Variants in DIAPH2 observed in about 807,000 individuals in gnomAD.
DIAPH2 encodes the protein diaphanous related formin 2.
A neutral mutation model predicts 92.7 loss-of-function variants in DIAPH2; 35 were observed. That is an observed-to-expected ratio of 0.38 (90% confidence interval 0.29 to 0.50). DIAPH2 has a LOEUF of 0.50. DIAPH2 is among the 20% of genes least tolerant of loss of function. DIAPH2 has a pLI of 0.94. For synonymous variants in DIAPH2, 301 were observed against 280.4 expected (o/e 1.07, Z -0.73); for missense variants, 701 against 819.5 (o/e 0.86, Z 1.77).
At chrX:96,712,539 ATATGCT>A (rs2063924985) in intron 1 of DIAPH2, among the ~76,000 whole-genome samples, 1 of 110,856 alleles carries the variant, frequency 9.0e-6, no homozygotes, top group South Asian at 3.9e-4. Context: ...TTTCTAAATA[ATATGCT>A]TATAATGTTA....
At chrX:97,275,722 C>T (rs758608401) in intron 23 of DIAPH2, among the ~76,000 whole-genome samples, 5 of 109,363 alleles carry the variant, frequency 4.6e-5, no homozygotes, top group South Asian at 4.0e-4. Flanking sequence ...AGACGATGGG[C>T]GGCCGGGCAG....
In DIAPH2 at chrX:96,937,251, A is replaced by T; in HGVS notation, c.1108A>T (p.Asn370Tyr). The T allele has an allele frequency of 8.8e-7, 1 of 1,138,745 alleles. No individual in the cohort carries two copies. The highest frequency in any genetic ancestry group is 1.2e-6 in the Non-Finnish European group (1 of 844,094). 93.8% of individuals were successfully genotyped at this position (1,138,745 alleles called of 1,213,427 possible). A position where few individuals can be genotyped will look rare whatever the true frequency, so the allele number is the denominator to read the frequency against. ...TMLPDLKEKE[N>Y]DELDIQLKVF... Reference sequence around the variant, plus strand: ...ATATTAGGATCTAAAAGAAAAAGAGAATGATGAGCTTGATATTCAGTTGAA... The same window carrying T: ...ATATTAGGATCTAAAAGAAAAAGAGTATGATGAGCTTGATATTCAGTTGAA... The change falls in exon 11 of 27, where the codon AAT (asparagine) becomes TAT (tyrosine). Residue 370 changes from asparagine (N) to tyrosine (Y), a missense_variant. Around this residue, in one of 3 missense-constraint regions of DIAPH2, gnomAD observed 536 missense variants for 599.3 expected, o/e 0.89. Transcript: ENST00000324765.
intron 25 of DIAPH2, among the ~76,000 whole-genome samples, chrX:97,397,452 C>T (rs1032259933): frequency 3.6e-5 from 4 of 111,299 alleles, no homozygotes; most frequent in African/African-American, 1.3e-4. Context: ...GAGAAAGTTG[C>T]GTAGGAATTA....
At chrX:96,808,444 T>A (rs1371684375) in intron 4 of DIAPH2, among the ~76,000 whole-genome samples, 1 of 111,969 alleles carries the variant, frequency 8.9e-6, no homozygotes, top group Non-Finnish European at 1.9e-5. Context: ...CCACCTCATA[T>A]TTTGAATATA....
intron 23 of DIAPH2, among the ~76,000 whole-genome samples, chrX:97,301,150 CAAAAAA>C (rs1220185711): frequency 3.1e-5 from 1 of 32,280 alleles, no homozygotes; most frequent in Non-Finnish European, 5.9e-5. Context: ...GACTCCGTCT[CAAAAAA>C]AAAAAAAAAA....
At chrX:96,924,847 C>T (rs1230623209) in intron 9 of DIAPH2, among the ~76,000 whole-genome samples, 2 of 110,437 alleles carry the variant, frequency 1.8e-5, no homozygotes, top group Non-Finnish European at 3.8e-5. Flanking sequence ...GGGGGAAGAC[C>T]GCCCCCATGA....
intron 26 of DIAPH2, among the ~76,000 whole-genome samples, chrX:97,484,078 A>G (rs965507123): frequency 2.7e-5 from 3 of 111,590 alleles, no homozygotes; most frequent in Non-Finnish European, 5.6e-5. Context: ...ATATATAGTT[A>G]TTATATATCA....
At chrX:97,410,450 G>A (rs1441219365) in intron 25 of DIAPH2, among the ~76,000 whole-genome samples, 2 of 111,966 alleles carry the variant, frequency 1.8e-5, no homozygotes, top group Non-Finnish European at 3.8e-5. Context: ...CACAAAGATG[G>A]GGAGAAACCA....
At chrX:96,883,298 ACTTAT>A (rs1407970001) in intron 5 of DIAPH2, among the ~76,000 whole-genome samples, 2 of 111,610 alleles carry the variant, frequency 1.8e-5, no homozygotes. Flanking sequence ...TTAAGATGTG[ACTTAT>A]CTTAGAGTAT....
intron 1 of DIAPH2, among the ~76,000 whole-genome samples, chrX:96,732,681 C>T: frequency 9.0e-6 from 1 of 111,533 alleles, no homozygotes; most frequent in Non-Finnish European, 1.9e-5. Flanking sequence ...TTGTAGATGC[C>T]TGTCAGGAAA....
intron 26 of DIAPH2, among the ~76,000 whole-genome samples, chrX:97,503,402 G>A: frequency 8.9e-6 from 1 of 111,849 alleles, no homozygotes; most frequent in Non-Finnish European, 1.9e-5. Context: ...AAGTATAGGT[G>A]TGGTATGGTA....
intron 21 of DIAPH2, among the ~76,000 whole-genome samples, chrX:97,120,028 G>C (rs1266373121): frequency 8.9e-6 from 1 of 111,888 alleles, no homozygotes; most frequent in East Asian, 2.8e-4. Flanking sequence ...TCTACACAGC[G>C]GATTCACGCC....
intron 26 of DIAPH2, among the ~76,000 whole-genome samples, chrX:97,555,945 G>A (rs1008445360): frequency 2.7e-5 from 3 of 111,825 alleles, no homozygotes; most frequent in East Asian, 2.8e-4. Context: ...ACCACAGACC[G>A]GGGAACATTC....
chrX:97,015,960 T>G (rs1394602956), intron 17 of DIAPH2, among the ~76,000 whole-genome samples: 1 of 111,380 alleles, frequency 9.0e-6, no homozygotes, highest in African/African-American at 3.3e-5. Flanking sequence ...TTAAATAAGT[T>G]TGTTGCTAGG....
intron 23 of DIAPH2, among the ~76,000 whole-genome samples, chrX:97,254,370 TAATCCCAGCTA>T: frequency 9.2e-6 from 1 of 109,095 alleles, no homozygotes; most frequent in East Asian, 2.9e-4. Flanking sequence ...CAGGCGCCTG[TAATCCCAGCTA>T]CTTGAGAGGC....
chrX:97,235,096 A>T (rs2068037844), intron 22 of DIAPH2, among the ~76,000 whole-genome samples: 1 of 112,427 alleles, frequency 8.9e-6, no homozygotes, highest in African/African-American at 3.2e-5. Context: ...CCACCTGTAT[A>T]GATGAATTAA....
At chrX:96,932,673 A>G (rs1008890020) in intron 10 of DIAPH2, among the ~76,000 whole-genome samples, 4 of 111,448 alleles carry the variant, frequency 3.6e-5, no homozygotes, top group Non-Finnish European at 7.5e-5. Context: ...AGTTGTATAT[A>G]TTTGTGTGGT....
chrX:96,969,202 A>G (rs1355807381), intron 17 of DIAPH2, among the ~76,000 whole-genome samples: 4 of 110,843 alleles, frequency 3.6e-5, no homozygotes. Flanking sequence ...TGCTTTGGCT[A>G]TTTGGGCTCT....
At chrX:97,569,546 A>G (rs1303699407) in intron 26 of DIAPH2, among the ~76,000 whole-genome samples, 2 of 111,435 alleles carry the variant, frequency 1.8e-5, no homozygotes, top group Non-Finnish European at 3.8e-5. Context: ...GTACTTAAGG[A>G]CTTTGTGGAT....
Sources: allele counts gnomAD v4.1 joint callset (sites outside exome capture counted in the v4.1 genomes callset), GRCh38; gene constraint gnomAD v4.1.1; regional missense constraint gnomAD v4.1.1; transcripts MANE v1.5; gene names NCBI Gene and HGNC (gene_info 2026-07-23, HGNC 2026-07-21).